Variants in MACF1 observed in about 807,000 individuals in gnomAD.
MACF1 encodes the protein microtubule actin crosslinking factor 1, also known as microtubule-actin cross-linking factor 1.
A neutral mutation model predicts 854.8 loss-of-function variants in MACF1; 193 were observed. The ratio of observed to expected loss-of-function variants is 0.23; its 90% CI spans 0.20 to 0.25. The LOEUF (loss-of-function observed/expected upper bound fraction) is 0.25. MACF1 is among the 10% of genes least tolerant of loss of function. The pLI is 1.00. For synonymous variants in MACF1, 3,185 were observed against 3,226.7 expected, an observed-to-expected ratio of 0.99 and a Z score of 0.44; for missense variants, 7,722 against 8,929.1, an observed-to-expected ratio of 0.86 and a Z score of 5.45.
At chr1:39,086,899 G>A (rs180834720) in intron 2 of MACF1, among the ~76,000 whole-genome samples, 1 of 152,220 alleles carries the variant, frequency 6.6e-6, no homozygotes, top group South Asian at 2.1e-4. Context: ...GGCTGGGCCA[G>A]TGAGGCTGAA....
rs1184351896 is a variant in MACF1, at chr1:39,204,838, C to T, written c.-185C>T. 7 of 589,672 alleles carry T rather than the reference C, an allele frequency of 1.2e-5. No homozygotes were observed. The highest frequency in any genetic ancestry group is 9.3e-5 in the African/African-American group (5 of 53,562). The allele number at this position is 589,672 out of a possible 1,614,324, so 36.5% of individuals were successfully genotyped here. ...TACAGTTTTAGTCCCAGTCTACTAGCGCCTGCTGAAAAACAGTCAGAAGTG... is the reference window on the plus strand; with the variant it reads ...TACAGTTTTAGTCCCAGTCTACTAGTGCCTGCTGAAAAACAGTCAGAAGTG... On this transcript the variant is annotated 5_prime_UTR_variant, in exon 1 of 101. Transcript: ENST00000564288.
chr1:39,151,787 A>G (rs1643585004), intron 2 of MACF1, among the ~76,000 whole-genome samples: 1 of 152,060 alleles, frequency 6.6e-6, no homozygotes, highest in South Asian at 2.1e-4. Context: ...CCCTTACTAG[A>G]TTATAAGCTG....
intron 41 of MACF1, 75 bp downstream of exon 41, chr1:39,347,285 C>A: frequency 8.9e-7 from 1 of 1,118,912 alleles, no homozygotes; most frequent in Non-Finnish European, 1.3e-6. Flanking sequence ...TGGCCAGACT[C>A]TGTGTATCAT....
In MACF1 at chr1:39,448,682, C is replaced by T; in HGVS notation, c.20177C>T (p.Pro6726Leu). The T allele has an allele frequency of 2.5e-6, 4 of 1,612,912 alleles. No homozygotes were observed. The highest frequency in any genetic ancestry group is 3.4e-6 in the Non-Finnish European group (4 of 1,179,294). Reference protein sequence around the residue: ...GRALKEKTLLPEDSQKLDNFL... With the variant: ...GRALKEKTLLLEDSQKLDNFL... ...GCACTGAAAGAAAAGACTTTGCTTCCCGAAGATAGTCAGAAACTTGACAAT... is the reference window on the plus strand; with the variant it reads ...GCACTGAAAGAAAAGACTTTGCTTCTCGAAGATAGTCAGAAACTTGACAAT... The change falls in exon 84 of 101, where the codon CCC becomes CTC. Residue 6726 changes from proline (P) to leucine (L), a missense_variant. Transcript: ENST00000564288.
In MACF1 at chr1:39,484,727, G is replaced by T; in HGVS notation, c.22408G>T (p.Ala7470Ser). The T allele has an allele frequency of 5.0e-6, 8 of 1,614,136 alleles. No homozygotes were observed. Among genetic ancestry groups the T allele is most frequent in the Non-Finnish European group, 6.8e-6 (8 of 1,180,022 alleles). Residue 7470 changes from alanine (A) to serine (S), a missense_variant, in exon 100 of 101, where the codon GCA (alanine) becomes TCA (serine). By Grantham distance (99) the Ala-to-Ser change is moderately conservative. This residue lies in a region of MACF1 where 185 missense variants were observed against 225.7 expected (regional missense o/e 0.82). Transcript: ENST00000564288. ...PASTGAKTNR[A>S]DPKKSASRPG... The stretch of plus-strand genomic sequence containing the variant: ...CTCCACAGGTGCCAAAACTAATCGG[G>T]CAGGTAAGTACCTGCCCCGTGACCT...
At chr1:39,396,671 G>A (rs924581422) in intron 58 of MACF1, among the ~76,000 whole-genome samples, 32 of 152,312 alleles carry the variant, frequency 2.1e-4, no homozygotes, top group Middle Eastern at 3.4e-3. Context: ...GCACTTTCAA[G>A]CTCGCTAATA....
At chr1:39,452,946 C>T in intron 87 of MACF1, 134 bp downstream of exon 87, 1 of 999,946 alleles carries the variant, frequency 1.0e-6, no homozygotes. Context: ...GTGGCCCTAG[C>T]TCATTGGTTT....
At chr1:39,431,281 G>A (rs1643871792) in intron 66 of MACF1, among the ~76,000 whole-genome samples, 1 of 108,740 alleles carries the variant, frequency 9.2e-6, no homozygotes, top group South Asian at 2.5e-4. Flanking sequence ...AGATGGAAGA[G>A]GGGGAAGGAA....
chr1:39,326,350 G>T (rs1296328202), intron 35 of MACF1, among the ~76,000 whole-genome samples: 4 of 152,148 alleles, frequency 2.6e-5, no homozygotes, highest in African/African-American at 9.7e-5. Context: ...ATATACAGTG[G>T]GCTTTAATTA....
Position 39,292,007 on chromosome 1 carries a change from G to A in MACF1, c.1883G>A (p.Gly628Asp), listed in dbSNP as rs1645800244. The change falls in exon 16 of 101, where the codon GGC becomes GAC. Residue 628 changes from glycine to aspartate, a missense_variant. Coordinates refer to ENST00000564288, the MANE Select transcript of MACF1 (RefSeq NM_001394062.1). The stretch of plus-strand genomic sequence containing the variant: ...ATCCATACGAGTGTAGAAGAGCTGG[G>A]CTCAAGTGTCAAGGAGGCCAGGTTG... ...QHIHTSVEEL[G>D]SSVKEARLYE... 6.2e-7 allele frequency: 1 copy of A among 1,613,962 alleles called. No individual in the cohort carries two copies. The highest frequency in any genetic ancestry group is 8.5e-7 in the Non-Finnish European group (1 of 1,180,018).
chr1:39,291,380 T>G lies in MACF1; in HGVS notation c.1786-530T>G, dbSNP rs558286713. ...TGGTTCAAATTTGATATTGCCCTTA[T>G]CTTTCTAACCCTTTTGTTTTATATT... On this transcript the variant is annotated intron_variant, in intron 15 of 100. Coordinates refer to ENST00000564288, the MANE Select transcript of MACF1 (RefSeq NM_001394062.1). Among the ~76,000 whole-genome samples, 16 of 152,374 alleles carry G rather than the reference T, an allele frequency of 1.1e-4. No homozygotes were observed. In the South Asian group the frequency reaches 3.1e-3, roughly 30 times the overall value.
At chr1:39,227,564 G>C (rs1644730694) in intron 1 of MACF1, among the ~76,000 whole-genome samples, 1 of 152,164 alleles carries the variant, frequency 6.6e-6, no homozygotes, top group Admixed American at 6.5e-5. Context: ...GAGAACTGGA[G>C]TTGTCAGAAA....
rs369858108 is a variant in MACF1, at chr1:39,324,261, C to G, written c.4305C>G (p.Thr1435=). The G allele has an allele frequency of 6.2e-7, 1 of 1,613,352 alleles. No homozygotes were observed. The highest frequency in any genetic ancestry group is 1.3e-5 in the African/African-American group (1 of 74,870). ...KVKELLGWVS[T]LARNTQGKAT... ...AAGAACTTTTGGGCTGGGTGTCTAC[C>G]CTAGCGAGGAATACACAAGGAAAAG... Residue 1435 remains threonine, a synonymous_variant, in exon 34 of 101, where the codon ACC becomes ACG. Coordinates refer to ENST00000564288, the MANE Select transcript of MACF1 (RefSeq NM_001394062.1).
intron 97 of MACF1, among the ~76,000 whole-genome samples, chr1:39,477,075 A>ATACACACACATATATACACTTAGTGTG (rs1557675013): frequency 1.9e-5 from 1 of 51,308 alleles, no homozygotes; most frequent in African/African-American, 1.1e-4. Flanking sequence ...ATATATATAT[A>ATACACACACATATATACACTTAGTGTG]TATATATATA....
intron 58 of MACF1, among the ~76,000 whole-genome samples, chr1:39,421,126 A>G (rs963746160): frequency 2.0e-5 from 3 of 152,072 alleles, no homozygotes; most frequent in African/African-American, 7.2e-5. Context: ...CGGCCTCCCA[A>G]AGTGCTGGGA....
rs1557442006 is a variant in MACF1, at chr1:39,084,242, GCTCAGTGAGCGGTCATGT to G, written c.26_43del (p.Leu9_Cys14del). ...CCATGTCTTCCTCAGATGAAGAGAC[GCTCAGTGAGCGGTCATGT>G]CGGAGTGAGCGGTCTTGTCGGAGTG... On this transcript the variant is annotated inframe_deletion, in exon 2 of 94. Transcript: ENST00000361689. This position sits in a 1 kb window ranked among gnomAD's most constrained non-coding sequence, Gnocchi z 5.2. 3 of 1,611,710 alleles carry G rather than the reference GCTCAGTGAGCGGTCATGT, an allele frequency of 1.9e-6. No individual in the cohort carries two copies. Among genetic ancestry groups the G allele is most frequent in the Non-Finnish European group, 2.5e-6 (3 of 1,179,238 alleles).
intron 2 of MACF1, among the ~76,000 whole-genome samples, chr1:39,108,149 C>A (rs1642295725): frequency 6.6e-6 from 1 of 151,912 alleles, no homozygotes; most frequent in Non-Finnish European, 1.5e-5. Context: ...CCTAAATGTC[C>A]CAAAGGTTCT....
At chr1:39,233,813 A>G (rs1183196247) in intron 2 of MACF1, among the ~76,000 whole-genome samples, 2 of 36,630 alleles carry the variant, frequency 5.5e-5, no homozygotes, top group Non-Finnish European at 1.4e-4. Context: ...TTTTTTATTG[A>G]TAATTCTTGG....
chr1:39,268,120 G>A (rs747292941), intron 6 of MACF1, among the ~76,000 whole-genome samples: 11 of 152,104 alleles, frequency 7.2e-5, no homozygotes, highest in Non-Finnish European at 1.5e-4. Flanking sequence ...GCTTCACCAG[G>A]CTTGGTTCTT....
Sources: gnomAD v4.1 joint callset for allele counts (sites outside exome capture counted in the v4.1 genomes callset) on GRCh38, gnomAD v4.1.1 for gene constraint, gnomAD v4.1.1 regional missense constraint, Gnocchi (gnomAD v3.1) non-coding constraint, MANE v1.5 for transcripts, NCBI Gene and HGNC (gene_info 2026-07-23, HGNC 2026-07-21) for gene names.